Variants in ASIC2 observed in about 807,000 individuals in gnomAD.
ASIC2 encodes the protein acid-sensing ion channel 2.
Under a neutral mutation model 57.3 loss-of-function variants are expected in ASIC2, and 25 were observed. The observed-to-expected ratio is 0.44, with a 90% CI of 0.32 to 0.61. The LOEUF is 0.61. ASIC2 is among the 20% of genes least tolerant of loss of function. ASIC2 has a pLI of 0.06. For synonymous variants in ASIC2, 319 were observed against 307.5 expected, an observed-to-expected ratio of 1.04 and a Z score of -0.39; for missense variants, 641 against 738.1, an observed-to-expected ratio of 0.87 and a Z score of 1.52.
intron 1 of ASIC2, among the ~76,000 whole-genome samples, chr17:33,325,387 G>C (rs1183726146): frequency 6.6e-6 from 1 of 152,170 alleles, no homozygotes. Flanking sequence ...CTGTTGGATG[G>C]AGAATATCAG....
At chr17:33,094,557 G>T (rs2092170500) in intron 2 of ASIC2, among the ~76,000 whole-genome samples, 1 of 152,066 alleles carries the variant, frequency 6.6e-6, no homozygotes, top group Admixed American at 6.6e-5. Flanking sequence ...GTCCTGACTG[G>T]TGGATCTCCC....
chr17:34,006,852 T>C (rs564964973), intron 1 of ASIC2: 14 of 152,334 alleles, frequency 9.2e-5, no homozygotes, highest in Admixed American at 3.3e-4. Flanking sequence ...TTTTCTTTAG[T>C]TGTTTGTTTT....
At chr17:33,014,091 T>A (rs2091793566) in intron 9 of ASIC2, 25 bp from the exon 10 acceptor site, 1 of 1,547,126 alleles carries the variant, frequency 6.5e-7, no homozygotes, top group African/African-American at 1.4e-5. Flanking sequence ...TTGGTGGGAG[T>A]TTATTATTCG....
chr17:33,395,881 T>G (rs939717350), intron 1 of ASIC2, among the ~76,000 whole-genome samples: 1 of 152,024 alleles, frequency 6.6e-6, no homozygotes, highest in Non-Finnish European at 1.5e-5. Context: ...CCTCCCCAGA[T>G]GCACTTTCAA....
Position 34,156,206 on chromosome 17 carries a change from A to C in ASIC2, c.327T>G (p.His109Gln). 6.2e-7 allele frequency: 1 copy of C among 1,614,128 alleles called. No individual in the cohort carries two copies. Among genetic ancestry groups the C allele is most frequent in the Non-Finnish European group, 8.5e-7 (1 of 1,180,012 alleles). ...CCAGCAGGGCCAGCAGCTCCCCAGC[A>C]TGGTACAGGTCATTGGTGGTGAGCC... The change falls in exon 1 of 10, where the codon CAT (histidine) becomes CAG (glutamine). Residue 109 changes from histidine to glutamine, a missense_variant. By Grantham distance (24) the His-to-Gln change is conservative (BLOSUM62 0). Transcript: ENST00000359872. This position sits in a 1 kb window ranked among gnomAD's most constrained non-coding sequence, Gnocchi z 4.4.
At chr17:33,079,170 A>C (rs913372901) in intron 3 of ASIC2, among the ~76,000 whole-genome samples, 1 of 152,218 alleles carries the variant, frequency 6.6e-6, no homozygotes, top group African/African-American at 2.4e-5. Context: ...GCACCATGTA[A>C]AATATGAAGA....
intron 1 of ASIC2, among the ~76,000 whole-genome samples, chr17:33,744,391 A>G (rs1910198873): frequency 6.6e-6 from 1 of 152,230 alleles, no homozygotes; most frequent in South Asian, 2.1e-4. Context: ...AAGATAGTTT[A>G]ACAGACAGAT....
chr17:34,115,841 A>C (rs746327455), intron 1 of ASIC2, among the ~76,000 whole-genome samples: 5 of 152,196 alleles, frequency 3.3e-5, no homozygotes, highest in Non-Finnish European at 7.3e-5. Flanking sequence ...GCTTTTATCC[A>C]ATAGCGCAAG....
intron 1 of ASIC2, among the ~76,000 whole-genome samples, chr17:33,256,200 T>C (rs1168771031): frequency 1.3e-5 from 2 of 152,154 alleles, no homozygotes; most frequent in African/African-American, 4.8e-5. Flanking sequence ...GCCACAGCGA[T>C]TAGTAAAATA....
At chr17:33,734,331 C>G (rs938581013) in intron 1 of ASIC2, among the ~76,000 whole-genome samples, 3 of 152,140 alleles carry the variant, frequency 2.0e-5, no homozygotes, top group Non-Finnish European at 4.4e-5. Context: ...GCCCTTCCCC[C>G]CGGGCTCCCA....
intron 1 of ASIC2, among the ~76,000 whole-genome samples, chr17:34,028,174 C>T (rs1272157765): frequency 1.3e-5 from 2 of 151,814 alleles, no homozygotes; most frequent in African/African-American, 4.8e-5. Flanking sequence ...CAATCCATTG[C>T]CCCCCAGCCT....
At chr17:34,147,926 C>A (rs565999165) in intron 1 of ASIC2, among the ~76,000 whole-genome samples, 1 of 152,272 alleles carries the variant, frequency 6.6e-6, no homozygotes, top group South Asian at 2.1e-4. Flanking sequence ...TAAATGCTAC[C>A]AATTCGGTCT....
chr17:34,084,323 T>C (rs575067785), intron 1 of ASIC2, among the ~76,000 whole-genome samples: 4 of 152,382 alleles, frequency 2.6e-5, no homozygotes, highest in South Asian at 2.1e-4. Context: ...ATTGCTTGTT[T>C]CTGTCAGGTT....
chr17:33,191,254 C>T (rs1422473453), intron 1 of ASIC2, among the ~76,000 whole-genome samples: 1 of 152,136 alleles, frequency 6.6e-6, no homozygotes, highest in Non-Finnish European at 1.5e-5. Context: ...TAATTCCATT[C>T]ATATAACATT....
intron 1 of ASIC2, among the ~76,000 whole-genome samples, chr17:33,940,925 C>G (rs1008539863): frequency 2.6e-5 from 4 of 152,232 alleles, no homozygotes; most frequent in Non-Finnish European, 5.9e-5. Flanking sequence ...GTAGCCCAGA[C>G]GGAGTGGGCC....
chr17:33,965,551 CAAT>C (rs1169430900), intron 1 of ASIC2, among the ~76,000 whole-genome samples: 2 of 152,156 alleles, frequency 1.3e-5, no homozygotes, highest in Admixed American at 1.3e-4. Context: ...TCCCATACAA[CAAT>C]GACAACAATA....
At chr17:33,317,157 T>C (rs566410225) in intron 1 of ASIC2, among the ~76,000 whole-genome samples, 4 of 152,356 alleles carry the variant, frequency 2.6e-5, no homozygotes, top group South Asian at 4.2e-4. Flanking sequence ...CTCAAGAAGT[T>C]TGCATGCTGT....
chr17:33,855,684 G>C (rs1046991838), intron 1 of ASIC2, among the ~76,000 whole-genome samples: 5 of 152,048 alleles, frequency 3.3e-5, no homozygotes, highest in Non-Finnish European at 5.9e-5. Context: ...ATGATGATGG[G>C]GGCAGGTTGA....
chr17:33,156,743 G>A lies in ASIC2; in HGVS notation c.709-44676C>T, dbSNP rs188713007. 2.6e-4 allele frequency among the ~76,000 whole-genome samples: 39 copies of A among 152,140 alleles called. 1 individual carries two copies. Among genetic ancestry groups the A allele is most frequent in the African/African-American group, 7.5e-4 (31 of 41,540 alleles). Reference sequence around the variant, plus strand: ...TGCACTCCAGCCTGGGCGACAGAGCGAGACTCCATTTCAAAAAAAACAAAA... The same window carrying A: ...TGCACTCCAGCCTGGGCGACAGAGCAAGACTCCATTTCAAAAAAAACAAAA... On this transcript the variant is annotated intron_variant, in intron 1 of 9. Coordinates refer to ENST00000225823, the MANE Select transcript of ASIC2 (RefSeq NM_183377.2).
Sources: gnomAD v4.1 joint callset for allele counts (sites outside exome capture counted in the v4.1 genomes callset) on GRCh38, gnomAD v4.1.1 for gene constraint, Gnocchi (gnomAD v3.1) non-coding constraint, MANE v1.5 for transcripts, NCBI Gene and HGNC (gene_info 2026-07-23, HGNC 2026-07-21) for gene names.